Variants in SLC12A7 observed in about 807,000 individuals in gnomAD.
The protein encoded by SLC12A7 is K-Cl cotransporter 4.
Under a neutral mutation model 120.6 loss-of-function variants are expected in SLC12A7, and 100 were observed. The ratio of observed to expected loss-of-function variants is 0.83; its 90% CI spans 0.71 to 0.98. The LOEUF is 0.98. Ranked by LOEUF, SLC12A7 falls within the 50% of genes least tolerant of loss-of-function variation. The probability of loss-of-function intolerance (pLI) is 0.00; values close to 1 mark genes in which losing one functional copy is unlikely to be tolerated. For missense variants in SLC12A7, 1,373 were observed against 1,548.1 expected, an observed-to-expected ratio of 0.89 and a Z score of 1.90; for synonymous variants, 760 against 678.0, an observed-to-expected ratio of 1.12 and a Z score of -1.88.
rs1305500726 is a variant in SLC12A7, at chr5:1,085,366, G to A, written c.783C>T (p.Leu261=). The change falls in exon 7 of 24, where the codon CTC becomes CTT. Residue 261 remains leucine (L), a synonymous_variant. Coordinates refer to ENST00000264930, the MANE Select transcript of SLC12A7 (RefSeq NM_006598.3). The part of the protein sequence containing the change: ...MRVYGTCTLV[L]MALVVFVGVK... ...CGCCCACGAAGACCACCAGGGCCAT[G>A]AGCACGAGCGTGCACGTGCCGTACA... is the stretch of plus-strand genomic sequence containing the variant. 1.2e-6 allele frequency: 2 copies of A among 1,612,412 alleles called. No homozygotes were observed. The highest frequency in any genetic ancestry group is 2.2e-5 in the East Asian group (1 of 44,846).
At chr5:1,151,484 T>C in the SLC12A7 span, among the ~76,000 whole-genome samples, 1 of 152,158 alleles carries the variant, frequency 6.6e-6, no homozygotes, top group East Asian at 1.9e-4. This position sits in a 1 kb window ranked among gnomAD's most constrained non-coding sequence, Gnocchi z 6.2. Context: ...CCAGGTATAA[T>C]TATGAGCGTC....
chr5:1,074,987 C>T (rs2150830103), intron 15 of SLC12A7, among the ~76,000 whole-genome samples: 1 of 152,028 alleles, frequency 6.6e-6, no homozygotes, highest in Middle Eastern at 3.4e-3. Context: ...GAGGCGGGTG[C>T]AGGTGGAGGG....
the SLC12A7 span, among the ~76,000 whole-genome samples, chr5:1,122,897 A>G: frequency 1.5e-4 from 23 of 152,380 alleles, no homozygotes; most frequent in East Asian, 3.5e-3. Context: ...AGTAAAAATG[A>G]AAATGTGTAA....
chr5:1,131,226 C>A, the SLC12A7 span, among the ~76,000 whole-genome samples: 1 of 152,112 alleles, frequency 6.6e-6, no homozygotes, highest in Non-Finnish European at 1.5e-5. Context: ...CTTGCAGGGG[C>A]CCATGGGGAT....
At chr5:1,155,771 CCGGCGGGGGCT>C in the SLC12A7 span, among the ~76,000 whole-genome samples, 1 of 150,714 alleles carries the variant, frequency 6.6e-6, no homozygotes. Context: ...GGTCGGGGGC[CCGGCGGGGGCT>C]CGGGGTGGGG....
chr5:1,083,949 G>C lies in SLC12A7; in HGVS notation c.925C>G (p.Leu309Val). ...CGTGACAGCGTGCGGTTCCCCAGGA[G>C]GCAGACCCTGGGCGGGACAGGGAGG... Reference protein sequence around the residue: ...AFDPPDIPVCLLGNRTLSRRS... With the variant: ...AFDPPDIPVCVLGNRTLSRRS... The change falls in exon 8 of 24, where the codon CTC becomes GTC. Residue 309 changes from leucine to valine, a missense_variant. Transcript: ENST00000264930. 6.2e-7 allele frequency: 1 copy of C among 1,601,536 alleles called. No homozygotes were observed. Among genetic ancestry groups the C allele is most frequent in the South Asian group, 1.1e-5 (1 of 90,972 alleles).
At chr5:1,069,271 C>A (rs865834770) in intron 17 of SLC12A7, among the ~76,000 whole-genome samples, 28 of 152,214 alleles carry the variant, frequency 1.8e-4, no homozygotes, top group African/African-American at 6.5e-4. Context: ...TGGCCCTAGG[C>A]CACACCACCT....
intron 20 of SLC12A7, among the ~76,000 whole-genome samples, chr5:1,060,849 C>T (rs1269325851): frequency 6.6e-6 from 1 of 152,210 alleles, no homozygotes; most frequent in Non-Finnish European, 1.5e-5. Context: ...GAAACCCACC[C>T]AGAACACATG....
rs4246749 is a variant in SLC12A7 at position 1,060,539 on chromosome 5, G to A, written c.2740-88C>T. 0.98 allele frequency: 997,149 copies of A among 1,013,204 alleles called. 492,154 individuals carry two copies. Among genetic ancestry groups the A allele is most frequent in the East Asian group, 1 (41,692 of 41,692 alleles). The allele number at this position is 1,013,204 out of a possible 1,614,324, so 62.8% of individuals were successfully genotyped here. Reference sequence around the variant, plus strand: ...CAGCCCGGTACCCAGAGACCGAGCCGCCCTGAGCGGTGGGAAAGGCCACGC... The same window carrying A: ...CAGCCCGGTACCCAGAGACCGAGCCACCCTGAGCGGTGGGAAAGGCCACGC... On this transcript the variant is annotated intron_variant, in intron 20 of 23. Transcript: ENST00000264930.
chr5:1,129,154 G>A, the SLC12A7 span, among the ~76,000 whole-genome samples: 2 of 152,146 alleles, frequency 1.3e-5, no homozygotes, highest in African/African-American at 2.4e-5. Context: ...AGGCCAGGGG[G>A]ACAGCCACGT....
chr5:1,111,978 A>G lies in SLC12A7; in HGVS notation c.14T>C (p.Phe5Ser). ...GTGAGCCTCCACGGGCACCACGGTGAAGTTGGTGGGCATGGCCGCCTGCAG... is the reference window on the plus strand; with the variant it reads ...GTGAGCCTCCACGGGCACCACGGTGGAGTTGGTGGGCATGGCCGCCTGCAG... Reference protein sequence around the residue: MPTNFTVVPVEAHAD... With the variant: MPTNSTVVPVEAHAD... Residue 5 changes from phenylalanine to serine, a missense_variant, in exon 1 of 24, where the codon TTC becomes TCC. Coordinates refer to ENST00000264930, the MANE Select transcript of SLC12A7 (RefSeq NM_006598.3). 1 of 1,286,716 alleles carries G rather than the reference A, an allele frequency of 7.8e-7. No individual in the cohort carries two copies. Among genetic ancestry groups the G allele is most frequent in the Non-Finnish European group, 9.8e-7 (1 of 1,017,206 alleles). The allele number at this position is 1,286,716 out of a possible 1,614,324, so 79.7% of individuals were successfully genotyped here.
Position 1,103,338 on chromosome 5 carries a change from C to T in SLC12A7, c.124+8530G>A, listed in dbSNP as rs561664612. ...AGAGCGCCGGGAGATCCCAGCTCAC[C>T]GTCAGAGGCACTGGAAGCAAGGAAG... is the stretch of plus-strand genomic sequence containing the variant. On this transcript the variant is annotated intron_variant, in intron 1 of 23. Coordinates refer to ENST00000264930, the MANE Select transcript of SLC12A7 (RefSeq NM_006598.3). 4.6e-5 allele frequency among the ~76,000 whole-genome samples: 7 copies of T among 152,312 alleles called. No individual in the cohort carries two copies. In the South Asian group the frequency reaches 1.5e-3, roughly 32 times the overall value.
intron 22 of SLC12A7, 81 bp from the exon 23 acceptor site, chr5:1,053,563 G>T (rs535400884): frequency 6.5e-7 from 1 of 1,535,176 alleles, no homozygotes; most frequent in Non-Finnish European, 8.8e-7. Context: ...GCCCTGATGA[G>T]CTGCATTCAC....
chr5:1,051,695 A>T lies in SLC12A7; in HGVS notation c.*665T>A, dbSNP rs1051452016. 1 of 152,362 alleles carries T rather than the reference A, an allele frequency of 6.6e-6. No individual in the cohort carries two copies. Among genetic ancestry groups the T allele is most frequent in the African/African-American group, 2.4e-5 (1 of 41,450 alleles). The allele number at this position is 152,362 out of a possible 1,614,324, so 9.4% of individuals were successfully genotyped here. On this transcript the variant is annotated 3_prime_UTR_variant, in exon 24 of 24. Coordinates refer to ENST00000264930, the MANE Select transcript of SLC12A7 (RefSeq NM_006598.3). Reference sequence around the variant, plus strand: ...TCACCACACACCCGACAGATGATCCACCACGTTCTGGAAAAGCCGAGTTCC... The same window carrying T: ...TCACCACACACCCGACAGATGATCCTCCACGTTCTGGAAAAGCCGAGTTCC...
the SLC12A7 span, among the ~76,000 whole-genome samples, chr5:1,151,430 G>C: frequency 6.6e-6 from 1 of 152,236 alleles, no homozygotes; most frequent in South Asian, 2.1e-4. This position sits in a 1 kb window ranked among gnomAD's most constrained non-coding sequence, Gnocchi z 6.2. Context: ...ACTAGGGGAG[G>C]GTTCCTTTGG....
At chr5:1,084,845 A>T (rs1376626740) in intron 7 of SLC12A7, among the ~76,000 whole-genome samples, 2 of 152,138 alleles carry the variant, frequency 1.3e-5, no homozygotes, top group African/African-American at 4.8e-5. Flanking sequence ...CAAAAGGACA[A>T]GAAAAGAGCC....
At chr5:1,058,738 G>A (rs1405009513) in intron 21 of SLC12A7, among the ~76,000 whole-genome samples, 3 of 152,180 alleles carry the variant, frequency 2.0e-5, no homozygotes, top group Non-Finnish European at 4.4e-5. Flanking sequence ...TGTGGCGCCC[G>A]GCCCAGCCTA....
At chr5:1,152,055 C>T in the SLC12A7 span, among the ~76,000 whole-genome samples, 4,272 of 152,240 alleles carry the variant, frequency 0.028, 218 homozygotes, top group African/African-American at 0.098. Context: ...CTATCAATGC[C>T]GAGCTGGACC....
chr5:1,081,483 C>G, intron 9 of SLC12A7, 94 bp downstream of exon 9: 2 of 1,326,084 alleles, frequency 1.5e-6, no homozygotes, highest in Non-Finnish European at 2.1e-6. Flanking sequence ...GATCACACCA[C>G]TGCCCTCCAG....
Sources: allele counts gnomAD v4.1 joint callset (sites outside exome capture counted in the v4.1 genomes callset), GRCh38; gene constraint gnomAD v4.1.1; non-coding constraint Gnocchi (gnomAD v3.1); transcripts MANE v1.5; gene names NCBI Gene and HGNC (gene_info 2026-07-23, HGNC 2026-07-21).